CDKN2B-AS1: variants seen among roughly 807,000 people sequenced by gnomAD.
CDKN2B-AS1 encodes the protein CDKN2B antisense RNA 1 (non-protein coding).
intron 1 of CDKN2B-AS1, chr9:22,032,897 A>C (rs1443936769): frequency 6.6e-6 from 1 of 151,748 alleles, no homozygotes; most frequent in African/African-American, 2.4e-5. Flanking sequence ...TTAAAGCGTG[A>C]ATATTATTTC....
At position 21,997,607 on chromosome 9, in the gene CDKN2B-AS1, T is replaced by C. The variant is rs959040422; in HGVS notation, n.29+2446T>C. On this transcript the variant is annotated intron_variant and non_coding_transcript_variant, in intron 1 of 4. Coordinates refer to ENST00000650946, the Ensembl canonical transcript of CDKN2B-AS1. The surrounding 1 kb of genome is among the most constrained non-coding windows in gnomAD (Gnocchi z 4.8). ...AAGAGTTGTTGTTGCAAGACTTGAA[T>C]CCAAAGGCAATCTGGAAGCAGAATT... 1.2e-4 allele frequency among the ~76,000 whole-genome samples: 19 copies of C among 152,078 alleles called. No individual in the cohort carries two copies. The highest frequency in any genetic ancestry group is 2.9e-4 in the African/African-American group (12 of 41,412).
intron 1 of CDKN2B-AS1, among the ~76,000 whole-genome samples, chr9:22,016,662 A>G (rs1433366958): frequency 6.6e-6 from 1 of 152,172 alleles, no homozygotes; most frequent in Non-Finnish European, 1.5e-5. Flanking sequence ...CAACTATCTG[A>G]TCTTTGACAA....
At chr9:22,112,263 C>T (rs749336958) in intron 4 of CDKN2B-AS1, 2 of 152,284 alleles carry the variant, frequency 1.3e-5, no homozygotes, top group African/African-American at 2.4e-5. Context: ...AGGGATCTCT[C>T]TCCAACTCTT....
chr9:22,110,808 C>T (rs1400766997), intron 4 of CDKN2B-AS1, among the ~76,000 whole-genome samples: 2 of 152,184 alleles, frequency 1.3e-5, no homozygotes, highest in Non-Finnish European at 2.9e-5. Context: ...AAAGTGATCA[C>T]TATCCAAATT....
intron 4 of CDKN2B-AS1, chr9:22,120,113 T>C (rs1047178996): frequency 3.3e-5 from 5 of 152,242 alleles, no homozygotes; most frequent in Non-Finnish European, 5.9e-5. Flanking sequence ...GTTGTAACGA[T>C]TGTATACACT....
intron 4 of CDKN2B-AS1, among the ~76,000 whole-genome samples, chr9:22,087,857 C>T (rs148293324): frequency 6.6e-6 from 1 of 152,184 alleles, no homozygotes; most frequent in East Asian, 1.9e-4. Flanking sequence ...AGAAGATTGT[C>T]ATAAAAAGAA....
intron 4 of CDKN2B-AS1, among the ~76,000 whole-genome samples, chr9:22,099,845 G>A (rs1039035384): frequency 6.6e-5 from 10 of 152,176 alleles, no homozygotes; most frequent in African/African-American, 2.2e-4. Context: ...TAAAGTTAAT[G>A]TGGATGCATA....
intron 4 of CDKN2B-AS1, among the ~76,000 whole-genome samples, chr9:22,092,067 C>T (rs1468971988): frequency 6.6e-6 from 1 of 152,118 alleles, no homozygotes; most frequent in Non-Finnish European, 1.5e-5. Context: ...TTTTCTGCAT[C>T]CGTTGAGATT....
At position 22,085,996 on chromosome 9, in the gene CDKN2B-AS1, AAAG is replaced by A. The variant is rs1313855614; in HGVS notation, n.438+29614_438+29616del. 2.6e-5 allele frequency among the ~76,000 whole-genome samples: 4 copies of A among 152,064 alleles called. 1 individual carries two copies. Among genetic ancestry groups the A allele is most frequent in the Admixed American group, 2.6e-4 (4 of 15,258 alleles). On this transcript the variant is annotated intron_variant and non_coding_transcript_variant, in intron 4 of 4. Coordinates refer to ENST00000650946, the Ensembl canonical transcript of CDKN2B-AS1. Reference sequence around the variant, plus strand: ...CTCGAGAGGCAGGATAGTTCAACAGAAAGAAGATGAACCTTGGGGGTCAGAAGA... The same window carrying A: ...CTCGAGAGGCAGGATAGTTCAACAGAAAGATGAACCTTGGGGGTCAGAAGA...
chr9:22,068,041 C>T (rs901705726), intron 4 of CDKN2B-AS1, among the ~76,000 whole-genome samples: 3 of 152,182 alleles, frequency 2.0e-5, no homozygotes, highest in African/African-American at 7.2e-5. Flanking sequence ...TGTGTAGCCC[C>T]GAAGCTTCAT....
At chr9:22,029,058 TAA>T (rs34059530) in intron 1 of CDKN2B-AS1, among the ~76,000 whole-genome samples, 1 of 149,706 alleles carries the variant, frequency 6.7e-6, no homozygotes, top group East Asian at 2.0e-4. Context: ...ATACAAAAAT[TAA>T]AAAAAAAAAT....
intron 1 of CDKN2B-AS1, among the ~76,000 whole-genome samples, chr9:22,033,199 G>A (rs566365157): frequency 1.3e-5 from 2 of 152,190 alleles, no homozygotes; most frequent in South Asian, 2.1e-4. Flanking sequence ...TGACTTTTAC[G>A]AAACCAGTCC....
chr9:21,996,552 A>C lies in CDKN2B-AS1; in HGVS notation n.29+1391A>C, dbSNP rs1411554703. Among the ~76,000 whole-genome samples the C allele has an allele frequency of 6.6e-6, 1 of 152,044 alleles. No individual in the cohort carries two copies. On this transcript the variant is annotated intron_variant and non_coding_transcript_variant, in intron 1 of 4. Coordinates refer to ENST00000650946, the Ensembl canonical transcript of CDKN2B-AS1. The surrounding 1 kb of genome is among the most constrained non-coding windows in gnomAD (Gnocchi z 5.4). The stretch of plus-strand genomic sequence containing the variant: ...TTTTTTCTTTATAGCACTTAGGACG[A>C]AGAGATTATTTTACTTATGTACTTG...
At chr9:22,029,908 A>T (rs903772437) in intron 1 of CDKN2B-AS1, 2 of 160,762 alleles carry the variant, frequency 1.2e-5, no homozygotes, top group African/African-American at 4.8e-5. Context: ...TCTATATGGG[A>T]CTATTTCACT....
chr9:22,036,018 GA>G, intron 1 of CDKN2B-AS1, among the ~76,000 whole-genome samples: 1 of 152,232 alleles, frequency 6.6e-6, no homozygotes, highest in African/African-American at 2.4e-5. Flanking sequence ...TATTGGAAGG[GA>G]TGATCAGTCC....
intron 1 of CDKN2B-AS1, chr9:22,009,062 A>G: frequency 3.3e-6 from 5 of 1,525,570 alleles, no homozygotes; most frequent in Non-Finnish European, 3.6e-6. Context: ...TCTCCTTCCT[A>G]GGAGACCTGG....
rs761922788 is a variant in CDKN2B-AS1, at chr9:22,040,886, AGGT to A, written n.30-5864_30-5862del. On this transcript the variant is annotated intron_variant and non_coding_transcript_variant, in intron 1 of 4. Transcript: ENST00000650946. ...AAATGTGGAAACTGAAATACTCAAGAGGTTCCCTGACTTCCCAGGCCACACAGT... is the reference window on the plus strand; with the variant it reads ...AAATGTGGAAACTGAAATACTCAAGATCCCTGACTTCCCAGGCCACACAGT... Among the ~76,000 whole-genome samples the A allele has an allele frequency of 9.2e-5, 14 of 152,170 alleles. No individual in the cohort carries two copies. The East Asian group carries it at 1.7e-3, about 19-fold the overall frequency.
intron 1 of CDKN2B-AS1, among the ~76,000 whole-genome samples, chr9:22,020,596 A>C (rs935935038): frequency 2.0e-5 from 3 of 152,066 alleles, no homozygotes; most frequent in African/African-American, 7.2e-5. Flanking sequence ...ATAGTATCTC[A>C]TTGTGGTTTT....
chr9:22,031,189 T>C (rs1466601974), intron 1 of CDKN2B-AS1: 1 of 152,154 alleles, frequency 6.6e-6, no homozygotes, highest in Admixed American at 6.6e-5. Flanking sequence ...TACTGAAGTC[T>C]CACTTAAGCA....
Sources: gnomAD v4.1 joint callset for allele counts (sites outside exome capture counted in the v4.1 genomes callset) on GRCh38, gnomAD v4.1.1 for gene constraint, Gnocchi (gnomAD v3.1) non-coding constraint, MANE v1.5 for transcripts, NCBI Gene and HGNC (gene_info 2026-07-23, HGNC 2026-07-21) for gene names.